ESR1: variants seen among roughly 807,000 people sequenced by gnomAD.
ESR1 encodes estrogen receptor.
A neutral mutation model predicts 52.7 loss-of-function variants in ESR1; 12 were observed. The observed-to-expected ratio is 0.23, with a 90% CI of 0.15 to 0.37. The LOEUF (loss-of-function observed/expected upper bound fraction) is 0.37, where lower values mean the gene tolerates loss of function less well. ESR1 is among the 10% of genes least tolerant of loss of function. The pLI is 1.00. For synonymous variants in ESR1, 305 were observed against 316.8 expected, an observed-to-expected ratio of 0.96 and a Z score of 0.39; for missense variants, 584 against 779.7, an observed-to-expected ratio of 0.75 and a Z score of 2.99.
At chr6:151,665,223 C>A (rs79416203) in intron 1 of ESR1, among the ~76,000 whole-genome samples, 1 of 152,004 alleles carries the variant, frequency 6.6e-6, no homozygotes, top group Admixed American at 6.6e-5. Flanking sequence ...TTTCCTGGCT[C>A]GAGAGACTTC....
intron 2 of ESR1, among the ~76,000 whole-genome samples, chr6:151,850,300 G>A (rs1281289143): frequency 6.7e-6 from 1 of 149,894 alleles, no homozygotes. Context: ...CAGTATATGG[G>A]CCCTTAATCT....
intron 2 of ESR1, among the ~76,000 whole-genome samples, chr6:151,721,220 G>A (rs550129535): frequency 6.6e-6 from 1 of 152,204 alleles, no homozygotes; most frequent in East Asian, 1.9e-4. Context: ...TTGGAGGTGA[G>A]TCTTCAGGAA....
intron 6 of ESR1, among the ~76,000 whole-genome samples, chr6:152,117,848 T>G (rs1292898152): frequency 1.3e-5 from 2 of 152,236 alleles, no homozygotes; most frequent in Non-Finnish European, 2.9e-5. Flanking sequence ...AGTGAGAAGC[T>G]GGGAATTGAA....
chr6:151,991,864 G>T (rs1206057144), intron 4 of ESR1, among the ~76,000 whole-genome samples: 1 of 152,086 alleles, frequency 6.6e-6, no homozygotes, highest in Non-Finnish European at 1.5e-5. Context: ...TGCCTTCTCA[G>T]GGGATCCTCT....
At chr6:151,913,335 G>C (rs940938276) in intron 3 of ESR1, among the ~76,000 whole-genome samples, 1 of 152,076 alleles carries the variant, frequency 6.6e-6, no homozygotes, top group African/African-American at 2.4e-5. Context: ...AGAACACACA[G>C]GTCTGTGAAT....
intron 2 of ESR1, among the ~76,000 whole-genome samples, chr6:151,770,630 A>C (rs9371554): frequency 0.087 from 13,236 of 152,068 alleles, 908 homozygotes; most frequent in East Asian, 0.33. Context: ...GATTTTGTCT[A>C]TACATATAGA....
At chr6:152,049,893 G>A (rs1193435857) in intron 5 of ESR1, among the ~76,000 whole-genome samples, 4 of 152,204 alleles carry the variant, frequency 2.6e-5, no homozygotes, top group Non-Finnish European at 5.9e-5. Flanking sequence ...GTCTCTGAAG[G>A]AGACTGACTT....
chr6:151,864,173 A>G (rs1248513560), intron 2 of ESR1, among the ~76,000 whole-genome samples: 1 of 152,184 alleles, frequency 6.6e-6, no homozygotes, highest in Non-Finnish European at 1.5e-5. Context: ...AATGGGAGAA[A>G]ATTTTTGCAA....
chr6:151,781,526 A>G (rs1786539242), intron 2 of ESR1, among the ~76,000 whole-genome samples: 1 of 152,228 alleles, frequency 6.6e-6, no homozygotes, highest in Non-Finnish European at 1.5e-5. Context: ...AAGTTATACA[A>G]CTAGTTAAGA....
At chr6:151,823,096 C>T (rs1195956586) in intron 1 of ESR1, among the ~76,000 whole-genome samples, 1 of 152,150 alleles carries the variant, frequency 6.6e-6, no homozygotes, top group East Asian at 1.9e-4. Context: ...ATGTCCCATG[C>T]AATATTATAC....
intron 6 of ESR1, among the ~76,000 whole-genome samples, chr6:152,124,063 C>T (rs1397939424): frequency 1.3e-5 from 2 of 152,222 alleles, no homozygotes; most frequent in Admixed American, 1.3e-4. Flanking sequence ...GTGGCTCCCG[C>T]CTGTAATCCC....
chr6:151,875,412 G>A (rs1321872399), intron 2 of ESR1, among the ~76,000 whole-genome samples: 1 of 152,114 alleles, frequency 6.6e-6, no homozygotes, highest in Non-Finnish European at 1.5e-5. Context: ...TGGGGGTGAG[G>A]GGAGCTTTAG....
At chr6:151,923,446 T>A (rs999663305) in intron 3 of ESR1, among the ~76,000 whole-genome samples, 1 of 152,180 alleles carries the variant, frequency 6.6e-6, no homozygotes, top group Non-Finnish European at 1.5e-5. Flanking sequence ...TAGAATAGTT[T>A]CTCTACTCTA....
At chr6:151,861,368 GC>G (rs1311566966) in intron 2 of ESR1, among the ~76,000 whole-genome samples, 1 of 152,138 alleles carries the variant, frequency 6.6e-6, no homozygotes, top group African/African-American at 2.4e-5. Flanking sequence ...AGAATAGATT[GC>G]AAAAAGGTAA....
At chr6:151,885,445 G>A (rs753579675) in intron 3 of ESR1, among the ~76,000 whole-genome samples, 22 of 152,136 alleles carry the variant, frequency 1.4e-4, no homozygotes, top group Admixed American at 3.3e-4. Flanking sequence ...TGCTGAGTTT[G>A]GTAGAAAGAG....
chr6:151,883,412 G>A (rs978171196), intron 3 of ESR1, among the ~76,000 whole-genome samples: 2 of 151,926 alleles, frequency 1.3e-5, no homozygotes, highest in East Asian at 2.0e-4. Flanking sequence ...ATAGGCGTGA[G>A]CCACCATGCC....
intron 1 of ESR1, among the ~76,000 whole-genome samples, chr6:151,837,195 T>C (rs1583569693): frequency 6.7e-6 from 1 of 150,274 alleles, no homozygotes; most frequent in African/African-American, 2.5e-5. Context: ...CTGCCTCCTG[T>C]GTTCAAGCAA....
chr6:152,125,233 G>A (rs2052948239), intron 6 of ESR1: 1 of 1,547,608 alleles, frequency 6.5e-7, no homozygotes. Context: ...AGGAATAATG[G>A]TAATGGTAAT....
chr6:151,741,428 C>A (rs983995777), intron 2 of ESR1, among the ~76,000 whole-genome samples: 1 of 151,922 alleles, frequency 6.6e-6, no homozygotes, highest in Non-Finnish European at 1.5e-5. Flanking sequence ...ATTTTTTGAG[C>A]CCAAAAAATA....
Sources: allele counts gnomAD v4.1 joint callset (sites outside exome capture counted in the v4.1 genomes callset), GRCh38; gene constraint gnomAD v4.1.1; transcripts MANE v1.5; gene names NCBI Gene and HGNC (gene_info 2026-07-23, HGNC 2026-07-21).